The following LILRB1 variants were observed in gnomAD, a reference collection of about 807,000 sequenced individuals.
The protein encoded by LILRB1 is leukocyte immunoglobulin like receptor B1.
In LILRB1, 59 loss-of-function variants were observed where a neutral mutation model predicts 74.6. The ratio of observed to expected loss-of-function variants is 0.79; its 90% CI spans 0.64 to 0.98. The LOEUF (loss-of-function observed/expected upper bound fraction) is 0.98. LILRB1 is among the 50% of genes least tolerant of loss of function. The pLI, the probability that LILRB1 is intolerant of heterozygous loss-of-function variation, is 0.00. For synonymous variants in LILRB1, 328 were observed against 333.9 expected, an observed-to-expected ratio of 0.98 and a Z score of 0.19; for missense variants, 804 against 822.6, an observed-to-expected ratio of 0.98 and a Z score of 0.28.
chr19:54,619,711 C>A (rs4806794), intron 1 of LILRB1, among the ~76,000 whole-genome samples: 90,071 of 151,538 alleles, frequency 0.59, 27,620 homozygotes, highest in South Asian at 0.69. Flanking sequence ...TGCTTTTTTT[C>A]TTCTGTATGC....
At chr19:54,621,021 C>T (rs770770968) in intron 1 of LILRB1, among the ~76,000 whole-genome samples, 12 of 151,916 alleles carry the variant, frequency 7.9e-5, no homozygotes, top group African/African-American at 2.7e-4. Context: ...TACAGGTGCT[C>T]GCCACCATGC....
chr19:54,631,382 G>C (rs911542403), intron 3 of LILRB1, 76 bp downstream of exon 3: 1 of 1,613,338 alleles, frequency 6.2e-7, no homozygotes, highest in African/African-American at 1.3e-5. Flanking sequence ...CGCTGGGGAT[G>C]GGGAATAGCA....
intron 6 of LILRB1, 90 bp downstream of exon 6, chr19:54,632,850 G>A: frequency 6.3e-7 from 1 of 1,578,100 alleles, no homozygotes; most frequent in Non-Finnish European, 8.6e-7. Flanking sequence ...GATGAGGGAT[G>A]GGGGTCCCAA....
Position 54,637,038 on chromosome 19 carries a change from C to G in LILRB1, c.*160C>G. 1 of 775,152 alleles carries G rather than the reference C, an allele frequency of 1.3e-6. No homozygotes were observed. Among genetic ancestry groups the G allele is most frequent in the South Asian group, 2.0e-5 (1 of 49,550 alleles). The allele number at this position is 775,152 out of a possible 1,614,324, so 48.0% of individuals were successfully genotyped here. A position where few individuals can be genotyped will look rare whatever the true frequency, so the allele number is the denominator to read the frequency against. Reference sequence around the variant, plus strand: ...ATTCTGCAGTATAAATAACTAATGTCTCTACAATTTTGAAATAAAGCAACA... The same window carrying G: ...ATTCTGCAGTATAAATAACTAATGTGTCTACAATTTTGAAATAAAGCAACA... On this transcript the variant is annotated 3_prime_UTR_variant, in exon 15 of 15. Transcript: ENST00000324602.
chr19:54,620,861 CTTAT>C (rs1186448169), intron 1 of LILRB1, among the ~76,000 whole-genome samples: 2 of 151,988 alleles, frequency 1.3e-5, no homozygotes, highest in Non-Finnish European at 2.9e-5. Context: ...GTGCAGTTGT[CTTAT>C]TTATTTATTT....
In LILRB1 at chr19:54,634,650, G is replaced by A. The variant is rs1288983113; in HGVS notation, c.1373G>A (p.Arg458Lys). The change falls in exon 10 of 15, where the codon AGG becomes AAG. Residue 458 changes from arginine to lysine, a missense_variant. By Grantham distance (26) the Arg-to-Lys change is conservative. Coordinates refer to ENST00000324602, the MANE Select transcript of LILRB1 (RefSeq NM_001081637.3). Reference sequence around the variant, plus strand: ...CATCATCGTGCTCAAGGTCTGGGAAGGCACCTGGGGGTTGTGATCGGCATC... The same window carrying A: ...CATCATCGTGCTCAAGGTCTGGGAAAGCACCTGGGGGTTGTGATCGGCATC... ...TGSDPQSGLG[R>K]HLGVVIGILV... 6.2e-7 allele frequency: 1 copy of A among 1,613,360 alleles called. No homozygotes were observed.
rs2114510 is a variant in LILRB1 at position 54,633,607 on chromosome 19, C to G, written c.1262-31C>G. ...GGTGGAGACTTCAGGAAAGCCCCAG[C>G]TCCTCAGCCTCCTCTCATTCTTTTA... On this transcript the variant is annotated intron_variant, in intron 7 of 14. Coordinates refer to ENST00000324602, the MANE Select transcript of LILRB1 (RefSeq NM_001081637.3). 9.8e-3 allele frequency: 15,707 copies of G among 1,603,206 alleles called. 1,030 individuals are homozygous for G. In the African/African-American group the frequency reaches 0.16, roughly 16 times the overall value.
rs267605670 is a variant in LILRB1 at position 54,636,585 on chromosome 19, C to T, written c.1745C>T (p.Pro582Leu). ...AGAGAAATGGCCTCTCCTCCTTCCC[C>T]ACTGTCTGGGGAATTCCTGGACACA... ...PRREMASPPS[P>L]LSGEFLDTKD... Residue 582 changes from proline to leucine, a missense_variant, in exon 14 of 15, where the codon CCA (proline) becomes CTA (leucine). Pro to Leu is a moderately conservative substitution (Grantham distance 98). Transcript: ENST00000324602. The T allele has an allele frequency of 1.9e-6, 3 of 1,610,338 alleles. No individual in the cohort carries two copies. The highest frequency in any genetic ancestry group is 2.7e-5 in the African/African-American group (2 of 74,724).
chr19:54,621,532 TTTG>T (rs1273922087), intron 1 of LILRB1, among the ~76,000 whole-genome samples: 1 of 95,512 alleles, frequency 1.0e-5, no homozygotes, highest in Non-Finnish European at 2.8e-5. Flanking sequence ...GTCTGTGTTT[TTTG>T]TTTTTTTTTT....
At chr19:54,629,881 A>G (rs1212087271), upstream of LILRB1, among the ~76,000 whole-genome samples, 1 of 152,182 alleles carries the variant, frequency 6.6e-6, no homozygotes. Context: ...TGCTCTGGGT[A>G]TTTCAGAAAT....
At chr19:54,635,857 C>G (rs1172110730) in intron 13 of LILRB1, 3 of 685,936 alleles carry the variant, frequency 4.4e-6, no homozygotes, top group South Asian at 1.5e-5. Flanking sequence ...AGAGCTCTCC[C>G]CAGGCCTCAG....
Position 54,630,606 on chromosome 19 carries a change from C to A in LILRB1, c.-76C>A, listed in dbSNP as rs954785378. Reference sequence around the variant, plus strand: ...TGGACCTGGGTCTTCCCTGAAGCATCTCCAGGGCTGGAGGGACGACTGCCA... The same window carrying A: ...TGGACCTGGGTCTTCCCTGAAGCATATCCAGGGCTGGAGGGACGACTGCCA... On this transcript the variant is annotated 5_prime_UTR_variant, in exon 1 of 15. Transcript: ENST00000324602. 8.5e-6 allele frequency: 7 copies of A among 821,920 alleles called. No individual in the cohort carries two copies. The highest frequency in any genetic ancestry group is 2.1e-5 in the Admixed American group (1 of 47,832). 50.9% of individuals were successfully genotyped at this position (821,920 alleles called of 1,614,324 possible).
In LILRB1 at chr19:54,637,128, C is replaced by T; in HGVS notation, c.*250C>T. The T allele has an allele frequency of 1.9e-6, 1 of 518,156 alleles. No individual in the cohort carries two copies. Among genetic ancestry groups the T allele is most frequent in the Non-Finnish European group, 3.4e-6 (1 of 293,570 alleles). 32.1% of individuals were successfully genotyped at this position (518,156 alleles called of 1,614,324 possible). A position where few individuals can be genotyped will look rare whatever the true frequency, so the allele number is the denominator to read the frequency against. ...TCAGAAAGTGCATTAAACTGAATCA[C>T]AATGTAAATATTACACATCAAGCGA... is the stretch of plus-strand genomic sequence containing the variant. On this transcript the variant is annotated 3_prime_UTR_variant, in exon 15 of 15. Transcript: ENST00000324602.
At chr19:54,634,328 G>T (rs2064194085) in intron 9 of LILRB1, 1 of 1,541,490 alleles carries the variant, frequency 6.5e-7, no homozygotes. Flanking sequence ...GGGGAGAAGA[G>T]TCATGGTTCA....
intron 13 of LILRB1, chr19:54,636,136 A>G (rs929203090): frequency 3.5e-6 from 2 of 569,382 alleles, no homozygotes; most frequent in African/African-American, 3.7e-5. Flanking sequence ...GCCAGTCTGA[A>G]TGGAAGGGGA....
Position 54,632,628 on chromosome 19 carries a change from G to A in LILRB1, c.826G>A (p.Gly276Arg), listed in dbSNP as rs754649306. The change falls in exon 6 of 15, where the codon GGG becomes AGG. Residue 276 changes from glycine (G) to arginine (R), a missense_variant. Transcript: ENST00000324602. ...GCTCGCTGGCGCACAGCCCCAGGCT[G>A]GGCTCTCCCAGGCCAACTTCACCCT... ...LQLAGAQPQA[G>R]LSQANFTLGP... 1.9e-6 allele frequency: 3 copies of A among 1,614,000 alleles called. No individual in the cohort carries two copies. Among genetic ancestry groups the A allele is most frequent in the African/African-American group, 2.7e-5 (2 of 74,924 alleles).
Position 54,631,084 on chromosome 19 carries a change from T to G in LILRB1, c.11T>G (p.Ile4Ser). The change falls in exon 2 of 15, where the codon ATC becomes AGC. Residue 4 changes from isoleucine to serine, a missense_variant. Coordinates refer to ENST00000324602, the MANE Select transcript of LILRB1 (RefSeq NM_001081637.3). ...GTGGGAGGAGACGCCATGACCCCCA[T>G]CCTCACGGTCCTGATCTGTCTCGGT... MTPILTVLICLGLS... is the reference protein window; with the variant it reads MTPSLTVLICLGLS... 1 of 1,613,312 alleles carries G rather than the reference T, an allele frequency of 6.2e-7. No individual in the cohort carries two copies. Among genetic ancestry groups the G allele is most frequent in the South Asian group, 1.1e-5 (1 of 91,046 alleles).
chr19:54,616,328 GT>G (rs2063313633), upstream of LILRB1, among the ~76,000 whole-genome samples: 1 of 152,126 alleles, frequency 6.6e-6, no homozygotes. Context: ...AGGGACACAT[GT>G]TCTCAGGACC....
At chr19:54,634,368 G>C (rs370847665) in intron 9 of LILRB1, 3 of 1,538,492 alleles carry the variant, frequency 1.9e-6, no homozygotes, top group African/African-American at 2.8e-5. Flanking sequence ...CTGCAGCTCC[G>C]GGGCTCGGCT....
Sources: gnomAD v4.1 joint callset for allele counts (sites outside exome capture counted in the v4.1 genomes callset) on GRCh38, gnomAD v4.1.1 for gene constraint, MANE v1.5 for transcripts, NCBI Gene and HGNC (gene_info 2026-07-23, HGNC 2026-07-21) for gene names.